ZNF804A: variants seen among roughly 807,000 people sequenced by gnomAD.
ZNF804A encodes the protein zinc finger protein 804A.
Under a neutral mutation model 16.5 loss-of-function variants are expected in ZNF804A, and 2 were observed. The ratio of observed to expected loss-of-function variants is 0.12; its 90% CI spans 0.05 to 0.38. The LOEUF (loss-of-function observed/expected upper bound fraction) is 0.38. Among genes scored for constraint, ZNF804A ranks in the 10% least tolerant of loss-of-function variants. The pLI, the probability that ZNF804A is intolerant of heterozygous loss-of-function variation, is 0.99. For synonymous variants in ZNF804A, 534 were observed against 489.6 expected, an observed-to-expected ratio of 1.09 and a Z score of -1.20; for missense variants, 1,473 against 1,390.7, an observed-to-expected ratio of 1.06 and a Z score of -0.94.
intron 1 of ZNF804A, among the ~76,000 whole-genome samples, chr2:184,791,124 C>A (rs1447147995): frequency 6.6e-6 from 1 of 151,850 alleles, no homozygotes; most frequent in East Asian, 1.9e-4. Flanking sequence ...TTTTTTTTAT[C>A]CAGTTTTCCA....
At chr2:184,691,440 A>G (rs1692722679) in intron 1 of ZNF804A, among the ~76,000 whole-genome samples, 1 of 151,522 alleles carries the variant, frequency 6.6e-6, no homozygotes, top group South Asian at 2.1e-4. Flanking sequence ...GTAAATGTTG[A>G]TAATTATACA....
chr2:184,717,834 C>G (rs1055301699), intron 1 of ZNF804A, among the ~76,000 whole-genome samples: 1 of 152,170 alleles, frequency 6.6e-6, no homozygotes, highest in Admixed American at 6.5e-5. Flanking sequence ...GTTTCAAGTC[C>G]TCTCTTAAAG....
chr2:184,606,709 C>G (rs1691152223), intron 1 of ZNF804A, among the ~76,000 whole-genome samples: 2 of 152,236 alleles, frequency 1.3e-5, no homozygotes, highest in South Asian at 4.1e-4. Flanking sequence ...AAAAATTCTA[C>G]CTGAAAACTT....
At chr2:184,778,253 A>G (rs1694318696) in intron 1 of ZNF804A, among the ~76,000 whole-genome samples, 1 of 151,722 alleles carries the variant, frequency 6.6e-6, no homozygotes, top group Admixed American at 6.6e-5. Context: ...CATTTAATAA[A>G]TATTCATTGA....
intron 1 of ZNF804A, among the ~76,000 whole-genome samples, chr2:184,851,325 C>T (rs965098706): frequency 3.3e-5 from 5 of 151,738 alleles, no homozygotes; most frequent in African/African-American, 1.2e-4. Context: ...ATTTGACGAA[C>T]ATCTCTCCAT....
At chr2:184,846,818 G>C (rs1695523289) in intron 1 of ZNF804A, among the ~76,000 whole-genome samples, 1 of 152,008 alleles carries the variant, frequency 6.6e-6, no homozygotes, top group African/African-American at 2.4e-5. Flanking sequence ...TCTTCCATTA[G>C]AGTCCAGCGA....
intron 2 of ZNF804A, among the ~76,000 whole-genome samples, chr2:184,897,046 C>G (rs1280528331): frequency 6.6e-6 from 1 of 151,932 alleles, no homozygotes; most frequent in Non-Finnish European, 1.5e-5. Context: ...GTTGTACTAT[C>G]TTTTTAATAT....
At chr2:184,607,497 A>G (rs998772825) in intron 1 of ZNF804A, among the ~76,000 whole-genome samples, 1 of 152,032 alleles carries the variant, frequency 6.6e-6, no homozygotes, top group Non-Finnish European at 1.5e-5. Context: ...AGCCCCTTAT[A>G]AAACCATCAA....
At chr2:184,768,738 C>T (rs11883625) in intron 1 of ZNF804A, among the ~76,000 whole-genome samples, 13,797 of 151,812 alleles carry the variant, frequency 0.091, 2,099 homozygotes, top group African/African-American at 0.31. Flanking sequence ...CTTATAAAAC[C>T]AAAATACTAT....
intron 1 of ZNF804A, among the ~76,000 whole-genome samples, chr2:184,784,541 C>T (rs542586217): frequency 6.6e-6 from 1 of 151,984 alleles, no homozygotes; most frequent in South Asian, 2.1e-4. Flanking sequence ...GTAACTGAAA[C>T]TGCTGGAACT....
At chr2:184,796,029 G>A (rs1040929439) in intron 1 of ZNF804A, among the ~76,000 whole-genome samples, 10 of 151,998 alleles carry the variant, frequency 6.6e-5, no homozygotes, top group South Asian at 2.1e-4. Context: ...TTATTGACTC[G>A]CATATGTTAT....
intron 1 of ZNF804A, among the ~76,000 whole-genome samples, chr2:184,861,006 G>C (rs1437796118): frequency 6.6e-6 from 1 of 152,214 alleles, no homozygotes; most frequent in African/African-American, 2.4e-5. Context: ...TGGTGGAGCA[G>C]ACTGAAGATC....
At position 184,938,142 on chromosome 2, in the gene ZNF804A, A is replaced by T. The variant is rs183532737; in HGVS notation, c.2746A>T (p.Thr916Ser). Residue 916 changes from threonine to serine, a missense_variant, in exon 4 of 4, where the codon ACA becomes TCA. Transcript: ENST00000302277. ...ELSDVSNDPTTSVCVASAPTK... is the reference protein window; with the variant it reads ...ELSDVSNDPTSSVCVASAPTK... ...GTCAGATGTTTCCAATGATCCCACC[A>T]CATCTGTCTGTGTAGCTAGTGCCCC... 31 of 1,614,158 alleles carry T rather than the reference A, an allele frequency of 1.9e-5. No homozygotes were observed. The African/African-American group carries it at 3.3e-4, about 17-fold the overall frequency.
At position 184,871,767 on chromosome 2, in the gene ZNF804A, A is replaced by G. The variant is rs940689365; in HGVS notation, c.255+5255A>G. 3.3e-5 allele frequency among the ~76,000 whole-genome samples: 5 copies of G among 152,180 alleles called. No homozygotes were observed. In the East Asian group the frequency reaches 9.6e-4, roughly 29 times the overall value. ...AAATAGTTTAAGAAAATAAAAGATT[A>G]GTTGATTTAATATTTTAGTTTAGTT... On this transcript the variant is annotated intron_variant, in intron 2 of 3. Transcript: ENST00000302277.
At chr2:184,774,577 G>T (rs1694260339) in intron 1 of ZNF804A, among the ~76,000 whole-genome samples, 1 of 151,722 alleles carries the variant, frequency 6.6e-6, no homozygotes, top group African/African-American at 2.4e-5. Context: ...TTTGACCTCA[G>T]TGCTTTTCTT....
At chr2:184,798,137 T>G (rs1014415420) in intron 1 of ZNF804A, among the ~76,000 whole-genome samples, 1 of 151,716 alleles carries the variant, frequency 6.6e-6, no homozygotes, top group Non-Finnish European at 1.5e-5. Context: ...CCTTTATAGG[T>G]TACCTGGTTC....
intron 1 of ZNF804A, among the ~76,000 whole-genome samples, chr2:184,627,535 G>T (rs1231369330): frequency 6.6e-6 from 1 of 152,006 alleles, no homozygotes; most frequent in Non-Finnish European, 1.5e-5. Context: ...GAAATGAATT[G>T]CATCTACAAT....
chr2:184,805,722 A>C (rs1034927246), intron 1 of ZNF804A, among the ~76,000 whole-genome samples: 1 of 152,054 alleles, frequency 6.6e-6, no homozygotes, highest in Non-Finnish European at 1.5e-5. Flanking sequence ...GCCATTAGCA[A>C]TTGAACTAAG....
chr2:184,764,324 A>G (rs1694084931), intron 1 of ZNF804A, among the ~76,000 whole-genome samples: 1 of 152,192 alleles, frequency 6.6e-6, no homozygotes, highest in South Asian at 2.1e-4. Flanking sequence ...TTAGCCAAAA[A>G]TATGTCTAAA....
Sources: gnomAD v4.1 joint callset for allele counts (sites outside exome capture counted in the v4.1 genomes callset) on GRCh38, gnomAD v4.1.1 for gene constraint, MANE v1.5 for transcripts, NCBI Gene and HGNC (gene_info 2026-07-23, HGNC 2026-07-21) for gene names.